The following DLG2 variants were observed in gnomAD, a reference collection of about 807,000 sequenced individuals.
DLG2 encodes disks large homolog 2.
Under a neutral mutation model 132.5 loss-of-function variants are expected in DLG2, and 45 were observed. That is an observed-to-expected ratio of 0.34 (90% CI 0.27 to 0.44). The LOEUF (loss-of-function observed/expected upper bound fraction) is 0.44. Ranked by LOEUF, DLG2 falls within the 20% of genes least tolerant of loss-of-function variation. The pLI is 1.00. For synonymous variants in DLG2, 424 were observed against 419.6 expected (o/e 1.01, Z -0.13); for missense variants, 1,045 against 1,196.9 (o/e 0.87, Z 1.87).
intron 7 of DLG2, among the ~76,000 whole-genome samples, chr11:84,522,492 C>T (rs1226341687): frequency 6.6e-6 from 1 of 152,152 alleles, no homozygotes; most frequent in African/African-American, 2.4e-5. Context: ...GCCACAAACT[C>T]TAACATACTC....
chr11:83,889,713 T>A (rs12278227), intron 15 of DLG2, among the ~76,000 whole-genome samples: 14,015 of 152,078 alleles, frequency 0.092, 806 homozygotes, highest in Middle Eastern at 0.19. Context: ...CCAACCCAAA[T>A]GTCCAACAAT....
chr11:84,237,015 G>A (rs1053799335), intron 8 of DLG2, among the ~76,000 whole-genome samples: 5 of 148,994 alleles, frequency 3.4e-5, no homozygotes, highest in Admixed American at 2.0e-4. Context: ...TGCAACCTCC[G>A]CCTCCCGGGT....
At chr11:83,564,805 G>A (rs2096674228) in intron 19 of DLG2, among the ~76,000 whole-genome samples, 1 of 151,952 alleles carries the variant, frequency 6.6e-6, no homozygotes, top group Non-Finnish European at 1.5e-5. Context: ...CATTATGCTG[G>A]TCAAGACAAA....
At position 84,510,267 on chromosome 11, in the gene DLG2, T is replaced by C. The variant is rs556634029; in HGVS notation, c.519+24303A>G. 3.3e-5 allele frequency among the ~76,000 whole-genome samples: 5 copies of C among 152,130 alleles called. No individual in the cohort carries two copies. In the East Asian group the frequency reaches 9.6e-4, roughly 29 times the overall value. On this transcript the variant is annotated intron_variant, in intron 7 of 27. Transcript: ENST00000376104. Reference sequence around the variant, plus strand: ...TGATGAGTAACTATGTGCCAGTTACTGAGCTAGATGATTTTAAATTTTTAT... The same window carrying C: ...TGATGAGTAACTATGTGCCAGTTACCGAGCTAGATGATTTTAAATTTTTAT...
chr11:85,021,109 G>A, intron 6 of DLG2: 1 of 782,842 alleles, frequency 1.3e-6, no homozygotes, highest in Non-Finnish European at 2.4e-6. Context: ...TTAATTGCCT[G>A]AAGAGTCATC....
At chr11:85,214,368 C>G (rs540178862) in intron 4 of DLG2, among the ~76,000 whole-genome samples, 1 of 152,258 alleles carries the variant, frequency 6.6e-6, no homozygotes, top group South Asian at 2.1e-4. Context: ...CTCTACAACA[C>G]CTCGCAAAAA....
chr11:84,602,230 G>T (rs2099577874), intron 6 of DLG2, among the ~76,000 whole-genome samples: 1 of 151,652 alleles, frequency 6.6e-6, no homozygotes, highest in South Asian at 2.1e-4. Flanking sequence ...TAAAATAGCT[G>T]CAATAAAATC....
intron 18 of DLG2, among the ~76,000 whole-genome samples, chr11:83,779,332 T>C (rs2094712970): frequency 6.6e-6 from 1 of 152,234 alleles, no homozygotes; most frequent in Non-Finnish European, 1.5e-5. Context: ...TTTGTGGCTA[T>C]TTTAAAAATT....
At chr11:84,895,541 C>G (rs900175533) in intron 6 of DLG2, among the ~76,000 whole-genome samples, 1 of 152,124 alleles carries the variant, frequency 6.6e-6, no homozygotes, top group Non-Finnish European at 1.5e-5. Context: ...TTTCTTACCA[C>G]CTACATCTAT....
chr11:84,425,302 A>T (rs1482469613), intron 7 of DLG2, among the ~76,000 whole-genome samples: 1 of 152,140 alleles, frequency 6.6e-6, no homozygotes, highest in East Asian at 1.9e-4. Flanking sequence ...GGACAACTAC[A>T]TAGGTGATTT....
At chr11:84,958,972 T>G (rs999928910) in intron 6 of DLG2, among the ~76,000 whole-genome samples, 36 of 152,200 alleles carry the variant, frequency 2.4e-4, no homozygotes, top group African/African-American at 8.2e-4. Context: ...TTCTTAGACT[T>G]GATTTTAATA....
intron 3 of DLG2, among the ~76,000 whole-genome samples, chr11:85,450,585 T>A (rs1565507800): frequency 6.6e-6 from 1 of 152,180 alleles, no homozygotes; most frequent in Non-Finnish European, 1.5e-5. Flanking sequence ...CATCAAGTAA[T>A]TGTAAATATC....
chr11:85,320,439 C>CA (rs1006257328), intron 3 of DLG2, among the ~76,000 whole-genome samples: 7 of 150,940 alleles, frequency 4.6e-5, no homozygotes, highest in African/African-American at 9.7e-5. Flanking sequence ...TTTAATCATT[C>CA]AAAAAAATGT....
intron 10 of DLG2, among the ~76,000 whole-genome samples, chr11:84,066,710 G>A (rs1367720923): frequency 1.3e-5 from 2 of 151,790 alleles, no homozygotes; most frequent in Non-Finnish European, 2.9e-5. Context: ...GCAGTGAGCC[G>A]AGATCGTGCC....
chr11:85,621,086 CTT>C (rs2081660532), intron 2 of DLG2, among the ~76,000 whole-genome samples: 2 of 152,066 alleles, frequency 1.3e-5, no homozygotes, highest in Non-Finnish European at 2.9e-5. Flanking sequence ...ATCCTAGGGT[CTT>C]TAAGAATTAT....
chr11:85,508,368 A>G (rs1411862927), intron 3 of DLG2, among the ~76,000 whole-genome samples: 1 of 151,992 alleles, frequency 6.6e-6, no homozygotes, highest in African/African-American at 2.4e-5. Flanking sequence ...AGGCCCTTGC[A>G]CTTGCTATTC....
intron 22 of DLG2, among the ~76,000 whole-genome samples, chr11:83,473,850 A>C (rs2092355142): frequency 6.6e-6 from 1 of 152,064 alleles, no homozygotes; most frequent in Admixed American, 6.6e-5. Flanking sequence ...ATTTCATAAG[A>C]AGAGTTAATA....
At chr11:83,713,058 G>C (rs1412980222) in intron 18 of DLG2, among the ~76,000 whole-genome samples, 4 of 151,998 alleles carry the variant, frequency 2.6e-5, no homozygotes, top group Non-Finnish European at 4.4e-5. Context: ...ATACAAAAAG[G>C]AAAAGATAAA....
intron 18 of DLG2, chr11:83,692,210 C>T (rs1425771258): frequency 6.6e-6 from 1 of 152,176 alleles, no homozygotes; most frequent in East Asian, 1.9e-4. Context: ...ACAAACACCC[C>T]TTCCCTGCAA....
Sources: gnomAD v4.1 joint callset for allele counts (sites outside exome capture counted in the v4.1 genomes callset) on GRCh38, gnomAD v4.1.1 for gene constraint, MANE v1.5 for transcripts, NCBI Gene and HGNC (gene_info 2026-07-23, HGNC 2026-07-21) for gene names.